Variants in GLCCI1 observed in about 807,000 individuals in gnomAD.
The protein encoded by GLCCI1 is glucocorticoid induced 1.
In GLCCI1, 24 loss-of-function variants were observed where a neutral mutation model predicts 52.2. The ratio of observed to expected loss-of-function variants is 0.46; its 90% CI spans 0.33 to 0.65. GLCCI1 has a LOEUF of 0.65. Among genes scored for constraint, GLCCI1 ranks in the 30% least tolerant of loss-of-function variants. The pLI, the probability that GLCCI1 is intolerant of heterozygous loss-of-function variation, is 0.02. For missense variants in GLCCI1, 704 were observed against 701.5 expected (o/e 1.00, Z -0.04); for synonymous variants, 310 against 276.5 (o/e 1.12, Z -1.20).
Position 8,060,145 on chromosome 7 carries a change from C to G in GLCCI1, c.863C>G (p.Pro288Arg). The G allele has an allele frequency of 6.2e-7, 1 of 1,613,566 alleles. No individual in the cohort carries two copies. The change falls in exon 5 of 8, where the codon CCA (proline) becomes CGA (arginine). Residue 288 changes from proline to arginine, a missense_variant. Pro to Arg is a moderately radical substitution (Grantham distance 103, BLOSUM62 -2). This residue lies in a region of GLCCI1 where 547 missense variants were observed against 524.8 expected (regional missense o/e 1.04). Coordinates refer to ENST00000223145, the MANE Select transcript of GLCCI1 (RefSeq NM_138426.4). ...ATGCCACTGTCAAATATATCAGTGCCAAAATCATCTGTTTCGCGTGTGCCC... is the reference window on the plus strand; with the variant it reads ...ATGCCACTGTCAAATATATCAGTGCGAAAATCATCTGTTTCGCGTGTGCCC... ...VPMPLSNISV[P>R]KSSVSRVPCN...
rs113357252 is a variant in GLCCI1, at chr7:8,062,601, A to G, written c.966+2353A>G. ...TACTACCTGATAAGGTAGTTTTTCAATCCTCACCCTACTCCCATCTTCTAA... is the reference window on the plus strand; with the variant it reads ...TACTACCTGATAAGGTAGTTTTTCAGTCCTCACCCTACTCCCATCTTCTAA... On this transcript the variant is annotated intron_variant, in intron 5 of 7. Transcript: ENST00000223145. 4.4e-4 allele frequency among the ~76,000 whole-genome samples: 67 copies of G among 152,254 alleles called. 1 individual carries two copies. The highest frequency in any genetic ancestry group is 2.9e-3 in the South Asian group (14 of 4,820).
At chr7:7,991,956 G>C (rs1224833305) in intron 1 of GLCCI1, among the ~76,000 whole-genome samples, 1 of 152,008 alleles carries the variant, frequency 6.6e-6, no homozygotes, top group African/African-American at 2.4e-5. Flanking sequence ...AGCAGGAGCT[G>C]ATTTCTTTAC....
chr7:7,982,072 G>T, intron 1 of GLCCI1: 1 of 469,024 alleles, frequency 2.1e-6, no homozygotes, highest in South Asian at 1.7e-5. Flanking sequence ...ACCGAACTCA[G>T]AACTGAAGTC....
chr7:8,009,302 AC>A (rs1781214309), intron 2 of GLCCI1, among the ~76,000 whole-genome samples: 1 of 152,174 alleles, frequency 6.6e-6, no homozygotes, highest in Non-Finnish European at 1.5e-5. Context: ...CTCAGTCTTC[AC>A]CCCATAGTCT....
At chr7:7,985,017 C>A (rs1023360123) in intron 1 of GLCCI1, among the ~76,000 whole-genome samples, 1 of 152,210 alleles carries the variant, frequency 6.6e-6, no homozygotes, top group African/African-American at 2.4e-5. Flanking sequence ...TAACCAGCCT[C>A]ATATTTCTGT....
intron 2 of GLCCI1, among the ~76,000 whole-genome samples, chr7:8,020,823 G>T (rs1340815055): frequency 6.6e-6 from 1 of 152,110 alleles, no homozygotes; most frequent in Non-Finnish European, 1.5e-5. Context: ...CAAAATAAAA[G>T]TGACTAAACA....
intron 1 of GLCCI1, among the ~76,000 whole-genome samples, chr7:7,972,480 A>C (rs569207098): frequency 1.3e-5 from 2 of 152,362 alleles, no homozygotes; most frequent in East Asian, 3.9e-4. Flanking sequence ...TTTCGACTAA[A>C]GGTGACATAA....
chr7:8,044,459 C>T (rs1782076486), intron 3 of GLCCI1, among the ~76,000 whole-genome samples: 1 of 151,550 alleles, frequency 6.6e-6, no homozygotes, highest in African/African-American at 2.4e-5. Context: ...GCCTCGACCT[C>T]CTGGGTTCAA....
chr7:7,986,382 G>C (rs369786239), intron 1 of GLCCI1, among the ~76,000 whole-genome samples: 1 of 16,852 alleles, frequency 5.9e-5, no homozygotes, highest in Admixed American at 5.2e-4. Context: ...AGCAGGGGGA[G>C]GGGGGGGTGG....
rs555349399 is a variant in GLCCI1, at chr7:7,970,603, G to T, written c.457+796G>T. The T allele has an allele frequency of 9.6e-4, 146 of 152,722 alleles. 1 individual carries two copies. Among genetic ancestry groups the T allele is most frequent in the Non-Finnish European group, 1.5e-3 (100 of 68,042 alleles). The allele number at this position is 152,722 out of a possible 1,614,324, so 9.5% of individuals were successfully genotyped here. On this transcript the variant is annotated intron_variant, in intron 1 of 7. Transcript: ENST00000223145. ...CAGTTGAGCTGTTCAAGGATCTCAAGTTTCTTTTTTTGTTAGGTGTCAAAG... is the reference window on the plus strand; with the variant it reads ...CAGTTGAGCTGTTCAAGGATCTCAATTTTCTTTTTTTGTTAGGTGTCAAAG...
chr7:8,046,757 T>G (rs1782138676), intron 3 of GLCCI1, among the ~76,000 whole-genome samples: 1 of 152,220 alleles, frequency 6.6e-6, no homozygotes. Flanking sequence ...CCCAACCACC[T>G]TGGCCACATG....
intron 5 of GLCCI1, among the ~76,000 whole-genome samples, chr7:8,061,433 ATATT>A (rs1782511852): frequency 6.6e-6 from 1 of 151,906 alleles, no homozygotes; most frequent in African/African-American, 2.4e-5. Flanking sequence ...CATTGGAGAA[ATATT>A]TATTTAGATC....
chr7:7,979,168 A>G (rs1434984783), intron 1 of GLCCI1, among the ~76,000 whole-genome samples: 1 of 152,144 alleles, frequency 6.6e-6, no homozygotes, highest in Non-Finnish European at 1.5e-5. Flanking sequence ...CAGAGATTAG[A>G]TTTTTGAAAA....
chr7:8,072,886 G>A (rs1475732411), intron 6 of GLCCI1, among the ~76,000 whole-genome samples: 1 of 152,120 alleles, frequency 6.6e-6, no homozygotes, highest in Non-Finnish European at 1.5e-5. Flanking sequence ...TGTATTGAGA[G>A]GATGGTAAAT....
At chr7:8,032,650 G>T (rs576830081) in intron 3 of GLCCI1, among the ~76,000 whole-genome samples, 1 of 151,904 alleles carries the variant, frequency 6.6e-6, no homozygotes, top group Non-Finnish European at 1.5e-5. Context: ...AGATGAAATG[G>T]ACAAATTCCT....
chr7:8,021,819 GA>G (rs1289247353), intron 2 of GLCCI1, among the ~76,000 whole-genome samples: 1 of 152,162 alleles, frequency 6.6e-6, no homozygotes, highest in Non-Finnish European at 1.5e-5. Flanking sequence ...CTAAATAACT[GA>G]AAATGATATT....
At chr7:7,994,773 C>A (rs1261910876) in intron 1 of GLCCI1, among the ~76,000 whole-genome samples, 1 of 152,180 alleles carries the variant, frequency 6.6e-6, no homozygotes, top group Non-Finnish European at 1.5e-5. Context: ...AATACATTGA[C>A]AAAACTTCTA....
chr7:8,060,522 C>G (rs1782489975), intron 5 of GLCCI1, among the ~76,000 whole-genome samples: 1 of 152,204 alleles, frequency 6.6e-6, no homozygotes, highest in Non-Finnish European at 1.5e-5. Context: ...TAGGCGGTCA[C>G]TAATCTGTTG....
chr7:8,079,600 G>A (rs1173947673), intron 6 of GLCCI1, among the ~76,000 whole-genome samples: 1 of 151,350 alleles, frequency 6.6e-6, no homozygotes, highest in African/African-American at 2.5e-5. Context: ...GATTAGCACT[G>A]TTGTTCTGCA....
Sources: gnomAD v4.1 joint callset for allele counts (sites outside exome capture counted in the v4.1 genomes callset) on GRCh38, gnomAD v4.1.1 for gene constraint, gnomAD v4.1.1 regional missense constraint, MANE v1.5 for transcripts, NCBI Gene and HGNC (gene_info 2026-07-23, HGNC 2026-07-21) for gene names.